Variants in KCNJ15 observed in about 807,000 individuals in gnomAD.
KCNJ15 encodes the protein potassium inwardly rectifying channel subfamily J member 15, also known as ATP-sensitive inward rectifier potassium channel 15.
KCNJ15 carries 14 observed loss-of-function variants against 23.0 expected under a neutral mutation model. The ratio of observed to expected loss-of-function variants is 0.61; its 90% CI spans 0.40 to 0.95. The LOEUF (loss-of-function observed/expected upper bound fraction) is 0.95. KCNJ15 is among the 40% of genes least tolerant of loss of function. KCNJ15 has a pLI of 0.00. For synonymous variants in KCNJ15, 185 were observed against 183.2 expected, an observed-to-expected ratio of 1.01 and a Z score of -0.08; for missense variants, 388 against 461.8, an observed-to-expected ratio of 0.84 and a Z score of 1.46.
intron 1 of KCNJ15, among the ~76,000 whole-genome samples, chr21:38,287,288 C>T (rs1465102406): frequency 6.6e-6 from 1 of 152,182 alleles, no homozygotes; most frequent in East Asian, 1.9e-4. Context: ...GATTTGTTTT[C>T]AGAGTTTTTA....
At chr21:38,240,603 G>C (rs1432591311) in intron 1 of KCNJ15, among the ~76,000 whole-genome samples, 1 of 152,148 alleles carries the variant, frequency 6.6e-6, no homozygotes, top group Non-Finnish European at 1.5e-5. Context: ...TTCCAAAACA[G>C]TTTTAATTTT....
intron 1 of KCNJ15, among the ~76,000 whole-genome samples, chr21:38,295,296 AAC>A (rs1308812421): frequency 6.6e-6 from 1 of 152,252 alleles, no homozygotes; most frequent in African/African-American, 2.4e-5. Context: ...AATCCTGGAA[AAC>A]ACAGCATTCC....
chr21:38,251,555 A>T (rs533573273), intron 1 of KCNJ15, among the ~76,000 whole-genome samples: 1 of 152,206 alleles, frequency 6.6e-6, no homozygotes, highest in East Asian at 1.9e-4. Flanking sequence ...AAGTATATAC[A>T]TTCCCACCTG....
rs570388702 is a variant in KCNJ15, at chr21:38,271,002, C to T, written c.-117+13817C>T. Among the ~76,000 whole-genome samples, 199 of 126,212 alleles carry T rather than the reference C, an allele frequency of 1.6e-3. 1 individual carries two copies. The highest frequency in any genetic ancestry group is 3.2e-3 in the Admixed American group (44 of 13,606). 82.8% of individuals were successfully genotyped at this position (126,212 alleles called of 152,430 possible). ...CAAAGGCATTTCTGAGTGGCAACAA[C>T]ACTGATCTGGTGAAGCTGAGTCCAT... On this transcript the variant is annotated intron_variant, in intron 1 of 2. Transcript: ENST00000398938.
At chr21:38,289,789 C>T (rs372351831) in intron 1 of KCNJ15, among the ~76,000 whole-genome samples, 1 of 152,028 alleles carries the variant, frequency 6.6e-6, no homozygotes, top group East Asian at 1.9e-4. Flanking sequence ...CAGTACAATT[C>T]GCCTCCTCAC....
intron 1 of KCNJ15, among the ~76,000 whole-genome samples, chr21:38,235,238 A>C (rs1161751120): frequency 6.6e-6 from 1 of 151,872 alleles, no homozygotes; most frequent in African/African-American, 2.4e-5. Flanking sequence ...ATTTAACTAA[A>C]TTTCTTATTT....
At chr21:38,248,891 A>G (rs1243429387) in intron 1 of KCNJ15, among the ~76,000 whole-genome samples, 1 of 151,880 alleles carries the variant, frequency 6.6e-6, no homozygotes, top group African/African-American at 2.4e-5. Flanking sequence ...GACAATTCCC[A>G]TGCCTTCCCT....
chr21:38,255,672 G>T (rs1980159123), upstream of KCNJ15, among the ~76,000 whole-genome samples: 1 of 152,156 alleles, frequency 6.6e-6, no homozygotes, highest in East Asian at 1.9e-4. Context: ...GGAGAGGGGG[G>T]AGAAAATAAG....
At chr21:38,278,055 G>T (rs1982918631) in intron 1 of KCNJ15, among the ~76,000 whole-genome samples, 1 of 152,192 alleles carries the variant, frequency 6.6e-6, no homozygotes. Flanking sequence ...AAACAGCTAT[G>T]TGTACTGTAG....
At chr21:38,245,104 A>C (rs889522183) in intron 1 of KCNJ15, among the ~76,000 whole-genome samples, 1 of 151,966 alleles carries the variant, frequency 6.6e-6, no homozygotes, top group African/African-American at 2.4e-5. Flanking sequence ...CCGTCATCAC[A>C]GGGTCTACAA....
At chr21:38,290,200 C>T (rs964582321) in intron 1 of KCNJ15, among the ~76,000 whole-genome samples, 3 of 152,110 alleles carry the variant, frequency 2.0e-5, no homozygotes, top group Non-Finnish European at 4.4e-5. Flanking sequence ...TGGAAAATGG[C>T]AAATGAGTCC....
At chr21:38,233,217 C>G (rs145705948) in intron 1 of KCNJ15, among the ~76,000 whole-genome samples, 328 of 152,110 alleles carry the variant, frequency 2.2e-3, no homozygotes, top group African/African-American at 7.6e-3. Context: ...CTTATCTCCA[C>G]TAATATTTTC....
intron 1 of KCNJ15, among the ~76,000 whole-genome samples, chr21:38,278,995 C>T (rs1306107673): frequency 6.6e-6 from 1 of 152,138 alleles, no homozygotes; most frequent in Non-Finnish European, 1.5e-5. Context: ...CAATTATGAG[C>T]CTGTGCTGTC....
Position 38,299,576 on chromosome 21 carries a change from C to T in KCNJ15, c.315C>T (p.Thr105=). The T allele has an allele frequency of 6.2e-7, 1 of 1,614,036 alleles. No homozygotes were observed. ...CCGGTGAGCCCATTTCAAATCATAC[C>T]CCCTGCATCATGAAAGTGGACTCTC... ...LEPGEPISNH[T]PCIMKVDSLT... is the part of the protein sequence containing the mutation. Residue 105 remains threonine (T), a synonymous_variant, in exon 3 of 3, where the codon ACC becomes ACT. Coordinates refer to ENST00000398938, the MANE Select transcript of KCNJ15 (RefSeq NM_170736.3). The surrounding 1 kb of genome is among the most constrained non-coding windows in gnomAD (Gnocchi z 4.5).
Position 38,299,428 on chromosome 21 carries a change from C to A in KCNJ15, c.167C>A (p.Thr56Asn), listed in dbSNP as rs944827520. Residue 56 changes from threonine to asparagine, a missense_variant, in exon 3 of 3, where the codon ACC becomes AAC. Transcript: ENST00000398938. This position sits in a 1 kb window ranked among gnomAD's most constrained non-coding sequence, Gnocchi z 4.5. ...IYLLYLQDLW[T>N]TVIDMKWRYK... Reference sequence around the variant, plus strand: ...CTACTCTACCTGCAAGACCTGTGGACCACAGTTATCGACATGAAGTGGAGA... The same window carrying A: ...CTACTCTACCTGCAAGACCTGTGGAACACAGTTATCGACATGAAGTGGAGA... The A allele has an allele frequency of 3.1e-6, 5 of 1,614,010 alleles. No homozygotes were observed. Among genetic ancestry groups the A allele is most frequent in the African/African-American group, 1.3e-5 (1 of 74,922 alleles).
intron 1 of KCNJ15, among the ~76,000 whole-genome samples, chr21:38,230,950 C>T (rs1988719496): frequency 6.6e-6 from 1 of 152,012 alleles, no homozygotes; most frequent in African/African-American, 2.4e-5. Context: ...TCAGTTTCTA[C>T]AAAATAGCCA....
intron 1 of KCNJ15, among the ~76,000 whole-genome samples, chr21:38,244,914 C>T (rs773015543): frequency 9.9e-5 from 15 of 152,042 alleles, no homozygotes; most frequent in Admixed American, 6.6e-4. Flanking sequence ...ATGTAATCAA[C>T]GAACCAGATT....
chr21:38,296,006 T>C (rs1351236666), intron 1 of KCNJ15, among the ~76,000 whole-genome samples: 1 of 152,146 alleles, frequency 6.6e-6, no homozygotes, highest in Admixed American at 6.5e-5. Context: ...CTGTAAATAA[T>C]TGGCAGATCA....
chr21:38,244,122 T>C (rs997777748), intron 1 of KCNJ15, among the ~76,000 whole-genome samples: 7 of 152,208 alleles, frequency 4.6e-5, no homozygotes, highest in Admixed American at 2.6e-4. Flanking sequence ...CCTATTAATT[T>C]TTTTTTTGTC....
Sources: allele counts gnomAD v4.1 joint callset (sites outside exome capture counted in the v4.1 genomes callset), GRCh38; gene constraint gnomAD v4.1.1; non-coding constraint Gnocchi (gnomAD v3.1); transcripts MANE v1.5; gene names NCBI Gene and HGNC (gene_info 2026-07-23, HGNC 2026-07-21).